Variants in DOCK3 observed in about 807,000 individuals in gnomAD.
The protein encoded by DOCK3 is dedicator of cytokinesis 3.
Under a neutral mutation model 265.6 loss-of-function variants are expected in DOCK3, and 60 were observed. The ratio of observed to expected loss-of-function variants is 0.23; its 90% CI spans 0.18 to 0.28. DOCK3 has a LOEUF of 0.28. Among genes scored for constraint, DOCK3 ranks in the 10% least tolerant of loss-of-function variants. DOCK3 has a pLI of 1.00. For synonymous variants in DOCK3, 881 were observed against 938.0 expected (o/e 0.94, Z 1.11); for missense variants, 1,981 against 2,594.3 (o/e 0.76, Z 5.14).
intron 2 of DOCK3, among the ~76,000 whole-genome samples, chr3:50,806,681 G>A (rs971775705): frequency 5.3e-5 from 8 of 151,964 alleles, no homozygotes; most frequent in Non-Finnish European, 1.2e-4. Context: ...GTGCATCTGG[G>A]GTTATGGCAT....
At chr3:51,008,576 G>A (rs2078786674) in intron 5 of DOCK3, among the ~76,000 whole-genome samples, 1 of 152,168 alleles carries the variant, frequency 6.6e-6, no homozygotes, top group Non-Finnish European at 1.5e-5. Flanking sequence ...GTCTGCAACA[G>A]GGACAATTTG....
intron 48 of DOCK3, 85 bp from the exon 49 acceptor site, chr3:51,362,442 C>G (rs2086803988): frequency 6.4e-7 from 1 of 1,558,546 alleles, no homozygotes; most frequent in Non-Finnish European, 8.8e-7. Context: ...CAGAACACCT[C>G]AGGGCATGAA....
At chr3:50,772,779 A>G (rs2041354618) in intron 1 of DOCK3, among the ~76,000 whole-genome samples, 1 of 152,208 alleles carries the variant, frequency 6.6e-6, no homozygotes, top group African/African-American at 2.4e-5. Flanking sequence ...TTAATGACAA[A>G]AACTGAAGAG....
intron 1 of DOCK3, among the ~76,000 whole-genome samples, chr3:50,722,029 C>A (rs1459515369): frequency 6.6e-6 from 1 of 152,106 alleles, no homozygotes; most frequent in Non-Finnish European, 1.5e-5. Flanking sequence ...AGAAAGAGGA[C>A]AGGTCAGGGA....
At chr3:50,901,922 T>A (rs112801399) in intron 4 of DOCK3, among the ~76,000 whole-genome samples, 1 of 152,312 alleles carries the variant, frequency 6.6e-6, no homozygotes, top group African/African-American at 2.4e-5. Context: ...TATTCGGCCA[T>A]CTTGCCATAA....
chr3:51,116,075 C>T (rs539419249), intron 9 of DOCK3, among the ~76,000 whole-genome samples: 2 of 151,924 alleles, frequency 1.3e-5, no homozygotes, highest in East Asian at 1.9e-4. Context: ...AGTCAGGCAA[C>T]GTGATGCCTC....
At chr3:50,940,321 CAA>C (rs2076255556) in intron 5 of DOCK3, among the ~76,000 whole-genome samples, 1 of 141,640 alleles carries the variant, frequency 7.1e-6, no homozygotes, top group South Asian at 2.2e-4. Context: ...AGAAGGAAAA[CAA>C]AGAAACACTT....
At chr3:51,156,624 C>A (rs2085863874) in intron 10 of DOCK3, among the ~76,000 whole-genome samples, 1 of 152,146 alleles carries the variant, frequency 6.6e-6, no homozygotes, top group Non-Finnish European at 1.5e-5. Flanking sequence ...AAAATATTTT[C>A]TTGCACTAAT....
intron 1 of DOCK3, among the ~76,000 whole-genome samples, chr3:50,723,720 G>T (rs553721498): frequency 6.6e-6 from 1 of 152,108 alleles, no homozygotes; most frequent in Non-Finnish European, 1.5e-5. Context: ...GGACTTAAAC[G>T]TAACACCTAA....
At chr3:51,033,808 C>T (rs563683024) in intron 5 of DOCK3, among the ~76,000 whole-genome samples, 9 of 152,232 alleles carry the variant, frequency 5.9e-5, no homozygotes, top group East Asian at 5.8e-4. Flanking sequence ...TCTTCAACAA[C>T]GCCTCATCCC....
chr3:51,233,918 G>A (rs2078247294), intron 19 of DOCK3, among the ~76,000 whole-genome samples: 1 of 152,094 alleles, frequency 6.6e-6, no homozygotes, highest in African/African-American at 2.4e-5. Context: ...CAATTTTGCA[G>A]TGAACATGGA....
chr3:51,041,188 ATATATATATATATATATTTTTTTTTTTTT>A (rs2080495337), intron 5 of DOCK3, among the ~76,000 whole-genome samples: 3 of 13,268 alleles, frequency 2.3e-4, no homozygotes, highest in African/African-American at 1.3e-3. Context: ...ATATATATAT[ATATATATATATATATATTTTTTTTTTTTT>A]TTTTTTTTTT....
chr3:50,708,388 G>T (rs2036548112), intron 1 of DOCK3, among the ~76,000 whole-genome samples: 1 of 152,160 alleles, frequency 6.6e-6, no homozygotes, highest in African/African-American at 2.4e-5. Context: ...TGATGCATTG[G>T]CTATAGTGCA....
intron 7 of DOCK3, among the ~76,000 whole-genome samples, chr3:51,088,620 T>C (rs1413421153): frequency 6.6e-6 from 1 of 152,208 alleles, no homozygotes; most frequent in East Asian, 1.9e-4. Flanking sequence ...CCCTAACTTC[T>C]ATATCATAGT....
intron 11 of DOCK3, 136 bp from the exon 12 acceptor site, chr3:51,160,419 C>T (rs2086069734): frequency 1.2e-5 from 13 of 1,102,744 alleles, no homozygotes; most frequent in Non-Finnish European, 1.6e-5. Context: ...TTGGATGACT[C>T]CCTTCAGCCC....
At chr3:50,743,849 G>T (rs191221434) in intron 1 of DOCK3, among the ~76,000 whole-genome samples, 13 of 152,278 alleles carry the variant, frequency 8.5e-5, no homozygotes, top group Admixed American at 3.9e-4. Flanking sequence ...TAACTGCCAA[G>T]CTGTTTATGG....
At chr3:50,851,403 C>T (rs533331698) in intron 3 of DOCK3, among the ~76,000 whole-genome samples, 6 of 152,078 alleles carry the variant, frequency 3.9e-5, no homozygotes, top group Admixed American at 6.6e-5. Context: ...GCAGTTCAGG[C>T]GGCTGATCCA....
chr3:51,010,699 A>T (rs1234399072), intron 5 of DOCK3, among the ~76,000 whole-genome samples: 1 of 152,150 alleles, frequency 6.6e-6, no homozygotes, highest in East Asian at 1.9e-4. Flanking sequence ...TAGTTGATGC[A>T]GTTTCCTCCT....
intron 23 of DOCK3, among the ~76,000 whole-genome samples, chr3:51,261,940 T>A (rs2079874191): frequency 6.6e-6 from 1 of 152,076 alleles, no homozygotes; most frequent in South Asian, 2.1e-4. Context: ...CCAACTCCCA[T>A]CTCCCTGGGA....
Sources: gnomAD v4.1 joint callset for allele counts (sites outside exome capture counted in the v4.1 genomes callset) on GRCh38, gnomAD v4.1.1 for gene constraint, MANE v1.5 for transcripts, NCBI Gene and HGNC (gene_info 2026-07-23, HGNC 2026-07-21) for gene names.